Variants in MUC17 observed in about 807,000 individuals in gnomAD.
MUC17 encodes mucin 17, cell surface associated, also known as mucin-17.
In MUC17, 190 loss-of-function variants were observed where a neutral mutation model predicts 170.3. That is an observed-to-expected ratio of 1.12 (90% CI 0.99 to 1.26). MUC17 has a LOEUF of 1.26. Ranked by LOEUF, MUC17 falls within the 50% of genes most tolerant of loss-of-function variation. The probability of loss-of-function intolerance (pLI) is 0.00; values close to 1 mark genes in which losing one functional copy is unlikely to be tolerated. For synonymous variants in MUC17, 2,325 were observed against 2,002.5 expected, an observed-to-expected ratio of 1.16 and a Z score of -4.30; for missense variants, 6,415 against 5,530.0, an observed-to-expected ratio of 1.16 and a Z score of -5.08.
In MUC17 at chr7:101,038,130, C is replaced by A. The variant is rs765992608; in HGVS notation, c.6714C>A (p.Ser2238Arg). The change falls in exon 3 of 13, where the codon AGC (serine) becomes AGA (arginine). Residue 2238 changes from serine to arginine, a missense_variant. Transcript: ENST00000306151. ...STMPVVTSEASTLSATPVDTS... is the reference protein window; with the variant it reads ...STMPVVTSEARTLSATPVDTS... ...TGCCGGTAGTTACTTCTGAGGCTAG[C>A]ACCCTTTCAGCAACTCCTGTTGACA... The A allele has an allele frequency of 1.3e-5, 21 of 1,608,026 alleles. No individual in the cohort carries two copies. The Admixed American group carries it at 2.7e-4, about 21-fold the overall frequency.
rs1795085635 is a variant in MUC17 at position 101,058,294 on chromosome 7, G to A, written c.*250G>A. On this transcript the variant is annotated 3_prime_UTR_variant, in exon 13 of 13. Transcript: ENST00000306151. ...GCTTTCCTGCTCATTTTTCAAAGAC[G>A]CTCCAGATTTGAGGGTACTCTGACT... 6 of 350,088 alleles carry A rather than the reference G, an allele frequency of 1.7e-5. No individual in the cohort carries two copies. The highest frequency in any genetic ancestry group is 1.3e-4 in the Admixed American group (3 of 22,766). 21.7% of individuals were successfully genotyped at this position (350,088 alleles called of 1,614,324 possible).
At chr7:101,049,933 C>T (rs1012101119) in intron 6 of MUC17, among the ~76,000 whole-genome samples, 1 of 152,128 alleles carries the variant, frequency 6.6e-6, no homozygotes, top group African/African-American at 2.4e-5. Context: ...GAGCACAAGA[C>T]CAGCCTGAGC....
Position 101,041,269 on chromosome 7 carries a change from A to C in MUC17, c.9853A>C (p.Ser3285Arg), listed in dbSNP as rs35090328. ...TPSEGSTPLT[S>R]MPVSTTTVAS... is the part of the protein sequence containing the mutation. ...TAGTGAAGGAAGCACTCCATTAACA[A>C]GTATGCCTGTCAGCACCACAACGGT... Residue 3285 changes from serine to arginine, a missense_variant, in exon 3 of 13, where the codon AGT becomes CGT. By Grantham distance (110) the Ser-to-Arg change is moderately radical. Coordinates refer to ENST00000306151, the MANE Select transcript of MUC17 (RefSeq NM_001040105.2). The C allele has an allele frequency of 2.0e-5, 33 of 1,610,408 alleles. No individual in the cohort carries two copies. Among genetic ancestry groups the C allele is most frequent in the Admixed American group, 1.0e-4 (6 of 59,680 alleles).
chr7:101,043,862 G>C (rs1031117906), intron 3 of MUC17, 43 bp downstream of exon 3: 5 of 1,536,508 alleles, frequency 3.3e-6, no homozygotes, highest in Non-Finnish European at 4.4e-6. Context: ...AAATTATACT[G>C]TAAGTTCTAG....
At position 101,053,165 on chromosome 7, in the gene MUC17, A is replaced by G. The variant is rs776033063; in HGVS notation, c.13265+18A>G. Reference sequence around the variant, plus strand: ...GTGAAACGGTGAGCGAGCCCCTACCACCTCCTCTTCCAACTCCCTCCAGCT... The same window carrying G: ...GTGAAACGGTGAGCGAGCCCCTACCGCCTCCTCTTCCAACTCCCTCCAGCT... On this transcript the variant is annotated intron_variant, in intron 10 of 12. Transcript: ENST00000306151. 1.2e-6 allele frequency: 2 copies of G among 1,607,874 alleles called. No homozygotes were observed. The highest frequency in any genetic ancestry group is 2.2e-5 in the East Asian group (1 of 44,732).
chr7:101,036,914 T>C lies in MUC17; in HGVS notation c.5498T>C (p.Val1833Ala), dbSNP rs759522454. Residue 1833 changes from valine (V) to alanine (A), a missense_variant, in exon 3 of 13, where the codon GTT becomes GCT. Coordinates refer to ENST00000306151, the MANE Select transcript of MUC17 (RefSeq NM_001040105.2). ...GCTAGCACCCTTTCAACAACTCCTG[T>C]TGACTCTAACAGTCCTGTGGTCACT... Reference protein sequence around the residue: ...SEASTLSTTPVDSNSPVVTST... With the variant: ...SEASTLSTTPADSNSPVVTST... The C allele has an allele frequency of 1.9e-6, 3 of 1,612,662 alleles. No individual in the cohort carries two copies. The highest frequency in any genetic ancestry group is 1.7e-5 in the Admixed American group (1 of 59,982).
chr7:101,043,233 T>A lies in MUC17; in HGVS notation c.11817T>A (p.Ile3939=). 2.5e-6 allele frequency: 4 copies of A among 1,614,152 alleles called. No individual in the cohort carries two copies. Among genetic ancestry groups the A allele is most frequent in the Non-Finnish European group, 3.4e-6 (4 of 1,180,036 alleles). The change falls in exon 3 of 13, where the codon ATT becomes ATA. Residue 3939 remains isoleucine (I), a synonymous_variant. Transcript: ENST00000306151. ...AAGGAAGCACACCTGGGACAACCATTTTTATTCCCAGCACTCCTGTCACCA... is the reference window on the plus strand; with the variant it reads ...AAGGAAGCACACCTGGGACAACCATATTTATTCCCAGCACTCCTGTCACCA... ...ITEGSTPGTT[I]FIPSTPVTSS...
rs760397026 is a variant in MUC17 at position 101,035,323 on chromosome 7, G to A, written c.3907G>A (p.Val1303Ile). The A allele has an allele frequency of 4.3e-6, 7 of 1,610,456 alleles. No homozygotes were observed. The highest frequency in any genetic ancestry group is 5.9e-6 in the Non-Finnish European group (7 of 1,177,864). ...GGCTAGCACCCTTTTAACAACTCCTGTTGACACTAAAGGTCCTGTGGTCAC... is the reference window on the plus strand; with the variant it reads ...GGCTAGCACCCTTTTAACAACTCCTATTGACACTAAAGGTCCTGTGGTCAC... ...PEASTLLTTP[V>I]DTKGPVVTSN... Residue 1303 changes from valine to isoleucine, a missense_variant, in exon 3 of 13, where the codon GTT becomes ATT. Transcript: ENST00000306151.
Position 101,033,690 on chromosome 7 carries a change from G to A in MUC17, c.2274G>A (p.Leu758=), listed in dbSNP as rs2116413219. 4.3e-6 allele frequency: 7 copies of A among 1,613,590 alleles called. No homozygotes were observed. Among genetic ancestry groups the A allele is most frequent in the Non-Finnish European group, 5.9e-6 (7 of 1,179,676 alleles). Reference sequence around the variant, plus strand: ...CAAGTATGCCTGTCAGCAAAACGCTGTTGACCAGTTCTGAGGCTAGCACCC... The same window carrying A: ...CAAGTATGCCTGTCAGCAAAACGCTATTGACCAGTTCTGAGGCTAGCACCC... ...PLTSMPVSKT[L]LTSSEASTLS... The change falls in exon 3 of 13, where the codon CTG becomes CTA. Residue 758 remains leucine (L), a synonymous_variant. Transcript: ENST00000306151.
intron 12 of MUC17, among the ~76,000 whole-genome samples, chr7:101,056,922 G>C (rs1444461397): frequency 6.6e-6 from 1 of 151,890 alleles, no homozygotes; most frequent in Non-Finnish European, 1.5e-5. Context: ...TTTTAATCTA[G>C]AATGGGCTCC....
rs765127457 is a variant in MUC17, at chr7:101,034,653, C to T, written c.3237C>T (p.Ala1079=). The T allele has an allele frequency of 9.3e-6, 15 of 1,606,934 alleles. No homozygotes were observed. In the East Asian group the frequency reaches 3.1e-4, roughly 34 times the overall value. The part of the protein sequence containing the change: ...TSTPVTTYSQ[A]SSSSTTADGT... Reference sequence around the variant, plus strand: ...CACCTGTGACCACTTATTCTCAAGCCAGTTCATCTTCTACAACTGCTGACG... The same window carrying T: ...CACCTGTGACCACTTATTCTCAAGCTAGTTCATCTTCTACAACTGCTGACG... The change falls in exon 3 of 13, where the codon GCC becomes GCT. Residue 1079 remains alanine, a synonymous_variant. Coordinates refer to ENST00000306151, the MANE Select transcript of MUC17 (RefSeq NM_001040105.2).
In MUC17 at chr7:101,048,093, G is replaced by C. The variant is rs1292049646; in HGVS notation, c.12513G>C (p.Glu4171Asp). The C allele has an allele frequency of 2.5e-6, 4 of 1,603,196 alleles. No individual in the cohort carries two copies. The South Asian group carries it at 4.5e-5, about 18-fold the overall frequency. The change falls in exon 4 of 13, where the codon GAG becomes GAC. Residue 4171 changes from glutamate (E) to aspartate (D), a missense_variant. Transcript: ENST00000306151. ...TCTATTATGGGGAGTTGTGTGAGGA[G>C]GTGGTCAGCAGCATTGACATAGGTG... ...PNLYYGELCE[E>D]VVSSIDIGPP...
chr7:101,056,071 G>T (rs1795038487), intron 11 of MUC17, 123 bp from the exon 12 acceptor site: 1 of 1,369,112 alleles, frequency 7.3e-7, no homozygotes, highest in South Asian at 1.3e-5. Flanking sequence ...ATTTTCAAGG[G>T]TTTGCAGTTT....
In MUC17 at chr7:101,039,908, C is replaced by A. The variant is rs762449214; in HGVS notation, c.8492C>A (p.Ser2831Ter). 1.9e-6 allele frequency: 3 copies of A among 1,613,410 alleles called. No homozygotes were observed. The Admixed American group carries it at 5.0e-5, about 27-fold the overall frequency. ...GCCAGTTCTGAGGCTGGCACCCTTT[C>A]AACAACTCCTGTTGACACCAGCACA... ...PVASSEAGTL[S>*]TTPVDTSTPV... Residue 2831 changes from serine (S) to a stop codon, truncating the protein, a stop_gained, in exon 3 of 13, where the codon TCA (serine) becomes TAA (stop). Coordinates refer to ENST00000306151, the MANE Select transcript of MUC17 (RefSeq NM_001040105.2). LOFTEE classifies it high-confidence loss of function.
intron 9 of MUC17, among the ~76,000 whole-genome samples, chr7:101,052,776 G>A (rs1447957756): frequency 6.6e-6 from 1 of 152,170 alleles, no homozygotes; most frequent in Non-Finnish European, 1.5e-5. Flanking sequence ...AAATCTAAAA[G>A]CTTGGAGTGG....
rs775887740 is a variant in MUC17 at position 101,041,246 on chromosome 7, G to A, written c.9830G>A (p.Ser3277Asn). The change falls in exon 3 of 13, where the codon AGT becomes AAT. Residue 3277 changes from serine to asparagine, a missense_variant. Physicochemically the swap from Ser to Asn is conservative, Grantham distance 46 (BLOSUM62 1). Coordinates refer to ENST00000306151, the MANE Select transcript of MUC17 (RefSeq NM_001040105.2). Reference protein sequence around the residue: ...EGTSMPTSTPSEGSTPLTSMP... With the variant: ...EGTSMPTSTPNEGSTPLTSMP... ...ACCAGCATGCCAACCTCAACTCCTAGTGAAGGAAGCACTCCATTAACAAGT... is the reference window on the plus strand; with the variant it reads ...ACCAGCATGCCAACCTCAACTCCTAATGAAGGAAGCACTCCATTAACAAGT... 7 of 1,611,424 alleles carry A rather than the reference G, an allele frequency of 4.3e-6. No individual in the cohort carries two copies. Among genetic ancestry groups the A allele is most frequent in the Middle Eastern group, 1.7e-4 (1 of 6,046 alleles).
At position 101,038,270 on chromosome 7, in the gene MUC17, C is replaced by A; in HGVS notation, c.6854C>A (p.Pro2285His). 6.2e-7 allele frequency: 1 copy of A among 1,613,912 alleles called. No homozygotes were observed. Among genetic ancestry groups the A allele is most frequent in the Non-Finnish European group, 8.5e-7 (1 of 1,179,872 alleles). The change falls in exon 3 of 13, where the codon CCT becomes CAT. Residue 2285 changes from proline (P) to histidine (H), a missense_variant. Coordinates refer to ENST00000306151, the MANE Select transcript of MUC17 (RefSeq NM_001040105.2). Reference protein sequence around the residue: ...SEGTTPLTSIPVSHTLVANSE... With the variant: ...SEGTTPLTSIHVSHTLVANSE... ...GGAACGACTCCATTAACAAGTATAC[C>A]TGTCAGCCACACGCTGGTGGCCAAT... is the stretch of plus-strand genomic sequence containing the variant.
chr7:101,034,240 A>T lies in MUC17; in HGVS notation c.2824A>T (p.Arg942Ter), dbSNP rs1443209327. 7 of 1,602,218 alleles carry T rather than the reference A, an allele frequency of 4.4e-6. No homozygotes were observed. Among genetic ancestry groups the T allele is most frequent in the Non-Finnish European group, 5.1e-6 (6 of 1,174,030 alleles). ...CACGCCGGTAGTCAGTTCTGAGGCTAGAACACTTTCAGCAACTCCTGTTGA... is the reference window on the plus strand; with the variant it reads ...CACGCCGGTAGTCAGTTCTGAGGCTTGAACACTTTCAGCAACTCCTGTTGA... The part of the protein sequence containing the change: ...STTPVVSSEA[R>*]TLSATPVDTS... The change falls in exon 3 of 13, where the codon AGA becomes TGA. Residue 942 changes from arginine to a stop codon, truncating the protein, a stop_gained. Transcript: ENST00000306151. LOFTEE classifies it high-confidence loss of function.
chr7:101,027,953 G>C (rs372590499), intron 1 of MUC17, among the ~76,000 whole-genome samples: 4 of 151,700 alleles, frequency 2.6e-5, no homozygotes, highest in Admixed American at 1.3e-4. Flanking sequence ...TGTATTTTTT[G>C]TTGAGATGGA....
Sources: allele counts gnomAD v4.1 joint callset (sites outside exome capture counted in the v4.1 genomes callset), GRCh38; gene constraint gnomAD v4.1.1; transcripts MANE v1.5; gene names NCBI Gene and HGNC (gene_info 2026-07-23, HGNC 2026-07-21).